Variants in DMD observed in about 807,000 individuals in gnomAD.
DMD encodes mutant dystrophin.
In DMD, 63 loss-of-function variants were observed where a neutral mutation model predicts 330.1. That is an observed-to-expected ratio of 0.19 (90% CI 0.16 to 0.24). The LOEUF is 0.24. Among genes scored for constraint, DMD ranks in the 10% least tolerant of loss-of-function variants. The pLI, the probability that DMD is intolerant of heterozygous loss-of-function variation, is 1.00. For synonymous variants in DMD, 1,223 were observed against 959.8 expected, an observed-to-expected ratio of 1.27 and a Z score of -5.07; for missense variants, 3,344 against 2,684.1, an observed-to-expected ratio of 1.25 and a Z score of -5.43.
At chrX:32,600,379 C>A (rs2056057070) in intron 12 of DMD, among the ~76,000 whole-genome samples, 1 of 111,416 alleles carries the variant, frequency 9.0e-6, no homozygotes, top group Admixed American at 9.6e-5. Context: ...AAAACAAAAA[C>A]AAGGATGGGT....
At position 32,330,206 on chromosome X, in the gene DMD, A is replaced by T. The variant is rs1198374787; in HGVS notation, c.5922+11894T>A. Among the ~76,000 whole-genome samples, 15 of 112,428 alleles carry T rather than the reference A, an allele frequency of 1.3e-4. No individual in the cohort carries two copies. In the Admixed American group the frequency reaches 1.4e-3, roughly 11 times the overall value. ...AAGGCTATGTGAATTTGTATTATTC[A>T]TAAAACTAAATTTTAAACAAACCTT... On this transcript the variant is annotated intron_variant, in intron 41 of 78. Transcript: ENST00000357033.
At position 33,151,249 on chromosome X, in the gene DMD, G is replaced by A. The variant is rs16990931; in HGVS notation, c.31+60033C>T. Among the ~76,000 whole-genome samples, 930 of 112,176 alleles carry A rather than the reference G, an allele frequency of 8.3e-3. 8 individuals carry two copies. Among genetic ancestry groups the A allele is most frequent in the African/African-American group, 0.028 (869 of 30,926 alleles). ...ACATATAAGTTATGACAGGTCTCTGGAACAAGTTATATCTAAATGCCAGAG... is the reference window on the plus strand; with the variant it reads ...ACATATAAGTTATGACAGGTCTCTGAAACAAGTTATATCTAAATGCCAGAG... On this transcript the variant is annotated intron_variant, in intron 1 of 78. Transcript: ENST00000357033.
chrX:32,315,813 G>T, intron 41 of DMD, among the ~76,000 whole-genome samples: 1 of 111,554 alleles, frequency 9.0e-6, no homozygotes, highest in Non-Finnish European at 1.9e-5. Flanking sequence ...ATCTTTCAAA[G>T]AAAATCTCTT....
intron 60 of DMD, among the ~76,000 whole-genome samples, chrX:31,410,782 A>C (rs1295219282): frequency 9.1e-6 from 1 of 109,716 alleles, no homozygotes; most frequent in African/African-American, 3.3e-5. Flanking sequence ...TCTGTCACTC[A>C]GGCTGGAGTG....
At chrX:31,594,718 T>C (rs2077034340) in intron 55 of DMD, among the ~76,000 whole-genome samples, 1 of 111,105 alleles carries the variant, frequency 9.0e-6, no homozygotes, top group South Asian at 3.7e-4. Flanking sequence ...CTGTGCCTTA[T>C]CATATAAAGA....
intron 1 of DMD, among the ~76,000 whole-genome samples, chrX:33,292,900 TC>T (rs2053532932): frequency 4.5e-5 from 5 of 110,297 alleles, no homozygotes; most frequent in Admixed American, 1.9e-4. Flanking sequence ...TTTCTGCTTC[TC>T]TTTTTTTAGT....
intron 13 of DMD, among the ~76,000 whole-genome samples, chrX:32,578,957 A>G (rs1348687343): frequency 1.8e-5 from 2 of 111,544 alleles, no homozygotes; most frequent in Non-Finnish European, 3.8e-5. Context: ...TTATTTCTTG[A>G]TTTTTCTCTT....
At chrX:31,501,296 T>C (rs2070391180) in intron 56 of DMD, among the ~76,000 whole-genome samples, 1 of 112,428 alleles carries the variant, frequency 8.9e-6, no homozygotes, top group Admixed American at 9.4e-5. Flanking sequence ...GAATTGTTTT[T>C]TGCTCAAATA....
intron 7 of DMD, 109 bp from the exon 8 acceptor site, chrX:32,699,402 G>C: frequency 1.5e-6 from 1 of 651,947 alleles, no homozygotes; most frequent in Non-Finnish European, 2.5e-6. Context: ...AATGAACAGT[G>C]AATTGTCCAT....
At chrX:32,853,777 A>AG (rs2081324420) in intron 2 of DMD, among the ~76,000 whole-genome samples, 1 of 107,388 alleles carries the variant, frequency 9.3e-6, no homozygotes, top group African/African-American at 3.4e-5. Context: ...CAGAAAAAAA[A>AG]AAAAAAAAAC....
rs1181271457 is a variant in DMD, at chrX:31,180,379, A to G, written c.10077T>C (p.Tyr3359=). 2 of 1,197,906 alleles carry G rather than the reference A, an allele frequency of 1.7e-6. No individual in the cohort carries two copies. The highest frequency in any genetic ancestry group is 2.3e-6 in the Non-Finnish European group (2 of 882,972). ...GHKMHYPMVE[Y]CTPTTSGEDV... ...CTGGCGTCAAACTTACCGGAGTGCA[A>G]TATTCCACCATGGGATAGTGCATTT... Residue 3359 remains tyrosine (Y), a synonymous_variant, in exon 69 of 79, where the codon TAT becomes TAC. Transcript: ENST00000357033.
chrX:32,729,283 G>A (rs1406977281), intron 7 of DMD, among the ~76,000 whole-genome samples: 3 of 111,772 alleles, frequency 2.7e-5, no homozygotes, highest in African/African-American at 6.5e-5. Context: ...AAACACTTCT[G>A]GTCCCAAGCA....
intron 60 of DMD, among the ~76,000 whole-genome samples, chrX:31,393,869 G>A (rs572392017): frequency 4.5e-5 from 5 of 111,921 alleles, no homozygotes; most frequent in Non-Finnish European, 7.5e-5. Context: ...ATAAACTAGC[G>A]TTCTTATCAG....
intron 41 of DMD, among the ~76,000 whole-genome samples, chrX:32,331,071 T>A (rs921665288): frequency 1.8e-5 from 2 of 111,790 alleles, no homozygotes; most frequent in Non-Finnish European, 1.9e-5. Flanking sequence ...CTTGACAAAT[T>A]TTCACCTTTT....
intron 11 of DMD, among the ~76,000 whole-genome samples, chrX:32,641,881 T>C (rs1201735613): frequency 9.0e-6 from 1 of 111,032 alleles, no homozygotes; most frequent in African/African-American, 3.3e-5. Flanking sequence ...ATCATATATT[T>C]AGAAAAAAAA....
chrX:32,722,457 G>T (rs1356245555), intron 7 of DMD, among the ~76,000 whole-genome samples: 1 of 110,382 alleles, frequency 9.1e-6, no homozygotes, highest in Non-Finnish European at 1.9e-5. Context: ...TTGTATAAGG[G>T]ATTTAAGCAT....
intron 1 of DMD, among the ~76,000 whole-genome samples, chrX:33,250,722 G>A (rs1349370204): frequency 9.1e-6 from 1 of 110,367 alleles, no homozygotes; most frequent in Non-Finnish European, 1.9e-5. Context: ...TTAAACAGGT[G>A]GAGAATAGAA....
intron 59 of DMD, among the ~76,000 whole-genome samples, chrX:31,451,752 G>A (rs1031382620): frequency 3.6e-5 from 4 of 109,961 alleles, no homozygotes; most frequent in South Asian, 7.8e-4. Context: ...CAGACTGAGC[G>A]AATACAACCC....
At chrX:32,692,609 C>T (rs1411536150) in intron 9 of DMD, among the ~76,000 whole-genome samples, 1 of 111,714 alleles carries the variant, frequency 9.0e-6, no homozygotes, top group African/African-American at 3.3e-5. Flanking sequence ...AAAGGCATTA[C>T]TATGTTCTGC....
Sources: allele counts gnomAD v4.1 joint callset (sites outside exome capture counted in the v4.1 genomes callset), GRCh38; gene constraint gnomAD v4.1.1; transcripts MANE v1.5; gene names NCBI Gene and HGNC (gene_info 2026-07-23, HGNC 2026-07-21).